The following SH2D7 variants were observed in gnomAD, a reference collection of about 807,000 sequenced individuals.
SH2D7 encodes SH2 domain-containing protein 7.
A neutral mutation model predicts 40.8 loss-of-function variants in SH2D7; 32 were observed. The observed-to-expected ratio is 0.78, with a 90% CI of 0.59 to 1.05. The LOEUF (loss-of-function observed/expected upper bound fraction) is 1.05. Among genes scored for constraint, SH2D7 ranks in the 50% least tolerant of loss-of-function variants. The probability of loss-of-function intolerance (pLI) is 0.00; values close to 1 mark genes in which losing one functional copy is unlikely to be tolerated. For missense variants in SH2D7, 559 were observed against 566.6 expected, an observed-to-expected ratio of 0.99 and a Z score of 0.14; for synonymous variants, 195 against 221.5, an observed-to-expected ratio of 0.88 and a Z score of 1.06.
intron 5 of SH2D7, 112 bp from the exon 6 acceptor site, chr15:78,103,353 C>T: frequency 1.6e-6 from 2 of 1,242,552 alleles, no homozygotes; most frequent in Non-Finnish European, 2.2e-6. Flanking sequence ...AACCTGGCCT[C>T]ATGTCCTAGG....
At chr15:78,100,068 T>G (rs1371575036) in intron 4 of SH2D7, among the ~76,000 whole-genome samples, 7 of 152,226 alleles carry the variant, frequency 4.6e-5, no homozygotes, top group Non-Finnish European at 8.8e-5. Flanking sequence ...TCTTGTGATA[T>G]ATTCACCCAT....
chr15:78,103,205 G>T (rs1020489293), intron 5 of SH2D7, among the ~76,000 whole-genome samples: 2 of 152,170 alleles, frequency 1.3e-5, no homozygotes, highest in African/African-American at 4.8e-5. Flanking sequence ...GTAAGGTGAG[G>T]CTCGCCACCC....
In SH2D7 at chr15:78,097,948, C is replaced by CG; in HGVS notation, c.286_287insG (p.His96ArgfsTer26). ...TTGCAGGGGCAGTGATCGCTGCCGA[C>CG]ATTTTGTCATCAACCAGCTTCGAAA... On this transcript the variant is annotated frameshift_variant, in exon 3 of 6. Transcript: ENST00000328828. LOFTEE classifies it high-confidence loss of function. The CG allele has an allele frequency of 6.2e-7, 1 of 1,613,724 alleles. No homozygotes were observed. The highest frequency in any genetic ancestry group is 1.7e-4 in the Middle Eastern group (1 of 6,060).
chr15:78,094,222 G>A (rs1476809335), intron 2 of SH2D7, 21 bp downstream of exon 2: 2 of 1,594,818 alleles, frequency 1.3e-6, no homozygotes, highest in Non-Finnish European at 1.7e-6. Context: ...AAGCCCTCTG[G>A]GCAAGCAAGC....
In SH2D7 at chr15:78,101,326, G is replaced by C. The variant is rs781558952; in HGVS notation, c.1073G>C (p.Gly358Ala). The C allele has an allele frequency of 6.2e-7, 1 of 1,613,206 alleles. No homozygotes were observed. Residue 358 changes from glycine to alanine, a missense_variant, in exon 5 of 6, where the codon GGC becomes GCC. Transcript: ENST00000328828. ...ADIYEFIGTE[G>A]LLQEARDTPD... Reference sequence around the variant, plus strand: ...ATCTATGAGTTCATCGGGACAGAAGGCCTCCTGCAAGAGGCCAGGGACACA... The same window carrying C: ...ATCTATGAGTTCATCGGGACAGAAGCCCTCCTGCAAGAGGCCAGGGACACA...
intron 1 of SH2D7, among the ~76,000 whole-genome samples, chr15:78,093,077 C>T (rs190268102): frequency 3.3e-4 from 50 of 152,324 alleles, no homozygotes; most frequent in South Asian, 1.0e-3. Context: ...CTTTTATCGT[C>T]CAAACCGGAA....
Position 78,098,495 on chromosome 15 carries a change from G to T in SH2D7, c.544G>T (p.Ala182Ser). The change falls in exon 4 of 6, where the codon GCC becomes TCC. Residue 182 changes from alanine (A) to serine (S), a missense_variant. Transcript: ENST00000328828. ...CCTCACAGTGGTCCCCGACAAGGCC[G>T]CCAGCCCCCGCTCTTCTCCAAAGCC... ...AFLTVVPDKA[A>S]SPRSSPKPQV... 6.2e-7 allele frequency: 1 copy of T among 1,613,968 alleles called. No homozygotes were observed. The highest frequency in any genetic ancestry group is 8.5e-7 in the Non-Finnish European group (1 of 1,179,880).
intron 4 of SH2D7, among the ~76,000 whole-genome samples, chr15:78,099,644 A>G (rs926087552): frequency 1.3e-5 from 2 of 152,000 alleles, no homozygotes; most frequent in Admixed American, 6.6e-5. Context: ...TTTTCTTTAT[A>G]TCAGATCACA....
Position 78,098,457 on chromosome 15 carries a change from C to A in SH2D7, c.506C>A (p.Pro169His), listed in dbSNP as rs1405909405. The change falls in exon 4 of 6, where the codon CCT becomes CAT. Residue 169 changes from proline to histidine, a missense_variant. Pro to His is a moderately conservative substitution (Grantham distance 77). Coordinates refer to ENST00000328828, the MANE Select transcript of SH2D7 (RefSeq NM_001101404.2). The part of the protein sequence containing the change: ...HQTIVDPENP[P>H]ATAFLTVVPD... ...ACCATCGTGGACCCAGAAAACCCAC[C>A]TGCCACGGCATTCCTCACAGTGGTC... The A allele has an allele frequency of 6.2e-7, 1 of 1,614,048 alleles. No individual in the cohort carries two copies. The highest frequency in any genetic ancestry group is 1.1e-5 in the South Asian group (1 of 91,088).
intron 2 of SH2D7, among the ~76,000 whole-genome samples, chr15:78,096,906 G>T (rs991976466): frequency 6.6e-6 from 1 of 152,128 alleles, no homozygotes; most frequent in Non-Finnish European, 1.5e-5. Context: ...CATCAGAAAT[G>T]AGTACATATT....
rs957796867 is a variant in SH2D7 at position 78,098,584 on chromosome 15, G to A, written c.633G>A (p.Glu211=). 1 of 1,613,674 alleles carries A rather than the reference G, an allele frequency of 6.2e-7. No homozygotes were observed. Among genetic ancestry groups the A allele is most frequent in the African/African-American group, 1.3e-5 (1 of 75,058 alleles). Residue 211 remains glutamate (E), a synonymous_variant, in exon 4 of 6, where the codon GAG becomes GAA. Transcript: ENST00000328828. ...TGAGTCCCCGGAACCTCTCCCAGGAGGAAAGCATGGAGGTGAGGAGCATTA... is the reference window on the plus strand; with the variant it reads ...TGAGTCCCCGGAACCTCTCCCAGGAAGAAAGCATGGAGGTGAGGAGCATTA... ...LDVSPRNLSQ[E]ESMEAPIRVS...
intron 3 of SH2D7, 71 bp downstream of exon 3, chr15:78,098,165 G>A: frequency 1.3e-6 from 2 of 1,492,450 alleles, no homozygotes; most frequent in Non-Finnish European, 1.8e-6. Flanking sequence ...CCATCACTCA[G>A]ACATACTCCT....
intron 2 of SH2D7, among the ~76,000 whole-genome samples, chr15:78,095,652 G>A (rs924379884): frequency 3.9e-5 from 6 of 152,040 alleles, no homozygotes; most frequent in African/African-American, 4.8e-5. Flanking sequence ...TAGATGGATC[G>A]TAGATCCAAG....
intron 2 of SH2D7, among the ~76,000 whole-genome samples, chr15:78,097,332 A>G (rs1455212719): frequency 6.6e-6 from 1 of 152,204 alleles, no homozygotes; most frequent in Non-Finnish European, 1.5e-5. Flanking sequence ...GCACATTTAT[A>G]ATGTACACAC....
Position 78,101,032 on chromosome 15 carries a change from G to C in SH2D7, c.779G>C (p.Gly260Ala). The change falls in exon 5 of 6, where the codon GGG becomes GCG. Residue 260 changes from glycine to alanine, a missense_variant. Physicochemically the swap from Gly to Ala is moderately conservative, Grantham distance 60. Transcript: ENST00000328828. Reference protein sequence around the residue: ...NQARLGLGTEGSGRHGPVPAG... With the variant: ...NQARLGLGTEASGRHGPVPAG... ...GCACGGCTAGGCTTGGGCACAGAGG[G>C]GTCCGGCAGGCATGGGCCAGTTCCA... The C allele has an allele frequency of 6.2e-7, 1 of 1,611,476 alleles. No individual in the cohort carries two copies. The highest frequency in any genetic ancestry group is 8.5e-7 in the Non-Finnish European group (1 of 1,178,932).
intron 4 of SH2D7, among the ~76,000 whole-genome samples, chr15:78,099,930 T>G (rs1375341504): frequency 6.6e-6 from 1 of 152,156 alleles, no homozygotes; most frequent in Non-Finnish European, 1.5e-5. Context: ...ATTCTCTTCT[T>G]AAATATCACC....
Position 78,101,065 on chromosome 15 carries a change from G to A in SH2D7, c.812G>A (p.Ser271Asn). The change falls in exon 5 of 6, where the codon AGC becomes AAC. Residue 271 changes from serine (S) to asparagine (N), a missense_variant. Physicochemically the swap from Ser to Asn is conservative, Grantham distance 46. Transcript: ENST00000328828. Reference protein sequence around the residue: ...SGRHGPVPAGSQAYSPGREAQ... With the variant: ...SGRHGPVPAGNQAYSPGREAQ... ...AGGCATGGGCCAGTTCCAGCTGGCA[G>A]CCAGGCCTACTCCCCAGGCAGGGAG... is the stretch of plus-strand genomic sequence containing the variant. The A allele has an allele frequency of 6.2e-7, 1 of 1,603,170 alleles. No individual in the cohort carries two copies.
intron 3 of SH2D7, 35 bp from the exon 4 acceptor site, chr15:78,098,349 G>A (rs1276274202): frequency 1.9e-6 from 3 of 1,607,872 alleles, no homozygotes; most frequent in Middle Eastern, 2.2e-4. Flanking sequence ...CTGGGCATGT[G>A]TGACCACATA....
In SH2D7 at chr15:78,103,734, C is replaced by T. The variant is rs1395211374; in HGVS notation, c.*219C>T. On this transcript the variant is annotated 3_prime_UTR_variant, in exon 6 of 6. Transcript: ENST00000328828. ...CAGCTCCTGGCTATGTCCTGCTTTC[C>T]TTGTGCCTCCCATCCATGCACAGGA... 5.3e-6 allele frequency: 3 copies of T among 564,398 alleles called. No individual in the cohort carries two copies. In the African/African-American group the frequency reaches 5.7e-5, roughly 11 times the overall value. The allele number at this position is 564,398 out of a possible 1,614,324, so 35.0% of individuals were successfully genotyped here. A position where few individuals can be genotyped will look rare whatever the true frequency, so the allele number is the denominator to read the frequency against.
Sources: allele counts gnomAD v4.1 joint callset (sites outside exome capture counted in the v4.1 genomes callset), GRCh38; gene constraint gnomAD v4.1.1; transcripts MANE v1.5; gene names NCBI Gene and HGNC (gene_info 2026-07-23, HGNC 2026-07-21).